Variants in SLC25A13 observed in about 807,000 individuals in gnomAD.
SLC25A13 encodes solute carrier family 25 member 13.
A neutral mutation model predicts 85.5 loss-of-function variants in SLC25A13; 70 were observed. That is an observed-to-expected ratio of 0.82 (90% CI 0.68 to 1.00). SLC25A13 has a LOEUF of 1.00. SLC25A13 is among the 50% of genes least tolerant of loss of function. The pLI, the probability that SLC25A13 is intolerant of heterozygous loss-of-function variation, is 0.00. For synonymous variants in SLC25A13, 259 were observed against 288.7 expected (o/e 0.90, Z 1.04); for missense variants, 765 against 819.8 (o/e 0.93, Z 0.82).
intron 4 of SLC25A13, among the ~76,000 whole-genome samples, chr7:96,209,347 A>AACACAT (rs1554354131): frequency 0.024 from 621 of 26,336 alleles, 1 homozygote; most frequent in Middle Eastern, 0.043. Flanking sequence ...GTGGCAGGAA[A>AACACAT]ACACATACAC....
chr7:96,245,779 CA>C (rs1158858685), intron 3 of SLC25A13, among the ~76,000 whole-genome samples: 1 of 151,928 alleles, frequency 6.6e-6, no homozygotes, highest in Admixed American at 6.5e-5. Flanking sequence ...AGGAGGAAAT[CA>C]AAAGAGGTAA....
At chr7:96,122,535 G>C (rs1187649651) in intron 15 of SLC25A13, among the ~76,000 whole-genome samples, 2 of 152,012 alleles carry the variant, frequency 1.3e-5, no homozygotes, top group African/African-American at 4.8e-5. Context: ...AGACTTTACT[G>C]ATATCTAAAA....
At chr7:96,280,384 T>C (rs77394840) in intron 2 of SLC25A13, among the ~76,000 whole-genome samples, 3,097 of 152,228 alleles carry the variant, frequency 0.02, 69 homozygotes, top group African/African-American at 0.054. Flanking sequence ...CATTATCAAG[T>C]TGCTGCTCCC....
intron 1 of SLC25A13, among the ~76,000 whole-genome samples, chr7:96,305,819 T>C (rs1270829748): frequency 7.9e-5 from 12 of 152,096 alleles, no homozygotes; most frequent in Admixed American, 7.9e-4. Flanking sequence ...GTTGCTTCCA[T>C]TAAATATGCC....
At chr7:96,148,391 T>C (rs1792890629) in intron 13 of SLC25A13, among the ~76,000 whole-genome samples, 1 of 152,208 alleles carries the variant, frequency 6.6e-6, no homozygotes, top group Admixed American at 6.5e-5. Context: ...ACTCCCTGGT[T>C]GTTTACAGCC....
At chr7:96,320,716 A>C (rs1400349658) in intron 1 of SLC25A13, among the ~76,000 whole-genome samples, 1 of 152,228 alleles carries the variant, frequency 6.6e-6, no homozygotes, top group Non-Finnish European at 1.5e-5. Flanking sequence ...GAGTAATTAC[A>C]GAAAAGAGAA....
chr7:96,256,809 A>ATAAT (rs1747967671), intron 3 of SLC25A13, among the ~76,000 whole-genome samples: 2 of 152,300 alleles, frequency 1.3e-5, no homozygotes, highest in African/African-American at 4.8e-5. Context: ...AATCGACCAC[A>ATAAT]TAATTGGAAG....
chr7:96,288,977 C>T (rs1226709381), intron 2 of SLC25A13, among the ~76,000 whole-genome samples: 9 of 152,178 alleles, frequency 5.9e-5, no homozygotes, highest in Non-Finnish European at 1.2e-4. Context: ...AGACCCTGAG[C>T]CCCAAGTAGC....
chr7:96,191,847 TAAAAATTCTGATAATCAGAATTTTTA>T (rs1370385347), intron 6 of SLC25A13, among the ~76,000 whole-genome samples: 1 of 152,140 alleles, frequency 6.6e-6, no homozygotes, highest in Non-Finnish European at 1.5e-5. Flanking sequence ...TTAAGACTAG[TAAAAATTCTGATAATCAGAATTTTTA>T]AGAAACCATA....
chr7:96,260,588 C>T (rs1340479958), intron 3 of SLC25A13, among the ~76,000 whole-genome samples: 1 of 152,118 alleles, frequency 6.6e-6, no homozygotes, highest in Non-Finnish European at 1.5e-5. Context: ...TCTCTAATTG[C>T]ATGTTTAACA....
chr7:96,253,290 G>A (rs1797505927), intron 3 of SLC25A13, among the ~76,000 whole-genome samples: 1 of 152,090 alleles, frequency 6.6e-6, no homozygotes, highest in South Asian at 2.1e-4. Flanking sequence ...TAGGAGGTGA[G>A]GAAAGGAATA....
At chr7:96,138,684 A>G (rs1033925121) in intron 14 of SLC25A13, among the ~76,000 whole-genome samples, 1 of 152,072 alleles carries the variant, frequency 6.6e-6, no homozygotes, top group African/African-American at 2.4e-5. Context: ...GCCCCTTAAC[A>G]TAGATCATTT....
intron 13 of SLC25A13, 44 bp downstream of exon 13, chr7:96,170,001 T>C (rs1355849363): frequency 6.3e-7 from 1 of 1,576,146 alleles, no homozygotes; most frequent in South Asian, 1.1e-5. Context: ...GATATATATG[T>C]GAAACAAGTC....
At chr7:96,219,953 C>A (rs915643497) in intron 4 of SLC25A13, among the ~76,000 whole-genome samples, 1 of 152,202 alleles carries the variant, frequency 6.6e-6, no homozygotes, top group African/African-American at 2.4e-5. Flanking sequence ...TTCCAATTAT[C>A]TGCTAGAAAA....
rs550207502 is a variant in SLC25A13, at chr7:96,186,972, C to T, written c.934-1961G>A. ...TAGCTAAAACTAGGTGGCTGTATTA[C>T]AGTTGATCGTTACTTTTTCTCTTTT... On this transcript the variant is annotated intron_variant, in intron 9 of 17. Transcript: ENST00000265631. Among the ~76,000 whole-genome samples the T allele has an allele frequency of 5.9e-5, 9 of 152,252 alleles. No individual in the cohort carries two copies. In the South Asian group the frequency reaches 1.7e-3, roughly 28 times the overall value.
intron 2 of SLC25A13, among the ~76,000 whole-genome samples, chr7:96,277,830 A>G (rs1798519245): frequency 6.6e-6 from 1 of 151,830 alleles, no homozygotes; most frequent in Non-Finnish European, 1.5e-5. Flanking sequence ...TTACGAAGTC[A>G]TGGAGGCAAA....
chr7:96,313,532 G>A (rs1181389935), intron 1 of SLC25A13, among the ~76,000 whole-genome samples: 1 of 152,166 alleles, frequency 6.6e-6, no homozygotes, highest in East Asian at 1.9e-4. Flanking sequence ...AATATCACAT[G>A]TTCTCACTTA....
At chr7:96,237,199 G>A (rs1701589720) in intron 3 of SLC25A13, among the ~76,000 whole-genome samples, 1 of 152,192 alleles carries the variant, frequency 6.6e-6, no homozygotes, top group Non-Finnish European at 1.5e-5. Flanking sequence ...CCCTTACTCA[G>A]TTGCCTGGCA....
intron 15 of SLC25A13, among the ~76,000 whole-genome samples, chr7:96,129,842 TG>T (rs1177933472): frequency 1.3e-5 from 2 of 152,196 alleles, no homozygotes; most frequent in Admixed American, 6.5e-5. Flanking sequence ...CACAGGCACA[TG>T]TCATTAACTA....
Sources: gnomAD v4.1 joint callset for allele counts (sites outside exome capture counted in the v4.1 genomes callset) on GRCh38, gnomAD v4.1.1 for gene constraint, MANE v1.5 for transcripts, NCBI Gene and HGNC (gene_info 2026-07-23, HGNC 2026-07-21) for gene names.